ZNF599: variants seen among roughly 807,000 people sequenced by gnomAD.
The protein encoded by ZNF599 is zinc finger protein 599.
ZNF599 carries 10 observed loss-of-function variants against 11.7 expected under a neutral mutation model. That is an observed-to-expected ratio of 0.86 (90% CI 0.53 to 1.45). The LOEUF is 1.45. Ranked by LOEUF, ZNF599 falls within the 40% of genes most tolerant of loss-of-function variation. The pLI is 0.00. For synonymous variants in ZNF599, 232 were observed against 253.2 expected (o/e 0.92, Z 0.79); for missense variants, 688 against 713.6 (o/e 0.96, Z 0.41).
At chr19:34,778,246 G>A in the ZNF599 span, among the ~76,000 whole-genome samples, 1 of 151,708 alleles carries the variant, frequency 6.6e-6, no homozygotes, top group Admixed American at 6.6e-5. Context: ...TCAAATCATG[G>A]GTCTTAGTTT....
the ZNF599 span, chr19:34,779,455 T>C: frequency 6.6e-6 from 3 of 456,404 alleles, no homozygotes; most frequent in Non-Finnish European, 1.3e-5. Context: ...GAGTGAACTC[T>C]CTGATGTTTA....
intron 3 of ZNF599, among the ~76,000 whole-genome samples, chr19:34,766,624 C>T (rs1180409396): frequency 6.6e-6 from 1 of 152,192 alleles, no homozygotes; most frequent in East Asian, 1.9e-4. Flanking sequence ...TCCCAAACAA[C>T]CCAGTCATGC....
rs1400834945 is a variant in ZNF599, at chr19:34,766,183, G to A, written c.241+1133C>T. Among the ~76,000 whole-genome samples, 9 of 152,150 alleles carry A rather than the reference G, an allele frequency of 5.9e-5. No individual in the cohort carries two copies. The East Asian group carries it at 1.5e-3, about 26-fold the overall frequency. On this transcript the variant is annotated intron_variant, in intron 3 of 3. Coordinates refer to ENST00000329285, the MANE Select transcript of ZNF599 (RefSeq NM_001007248.3). ...TGAAGGCTGACTGAGCAGGCAAGAA[G>A]GACACTAGAGGGGTGAGATGGTGAA... is the stretch of plus-strand genomic sequence containing the variant.
rs776878811 is a variant in ZNF599, at chr19:34,760,295, T to C, written c.506A>G (p.Gln169Arg). 30 of 1,614,116 alleles carry C rather than the reference T, an allele frequency of 1.9e-5. 1 individual carries two copies. The highest frequency in any genetic ancestry group is 1.8e-4 in the South Asian group (16 of 91,086). Residue 169 changes from glutamine (Q) to arginine (R), a missense_variant, in exon 4 of 4, where the codon CAG becomes CGG. Gln to Arg is a conservative substitution (Grantham distance 43). Transcript: ENST00000329285. ...AGCATCTTGTGGAGTGACTCGTTCC[T>C]GTAAAACCCTTAAGCCCAGACTATC... ...PDDSLGLRVL[Q>R]ERVTPQDALH...
intron 1 of ZNF599, 152 bp downstream of exon 1, chr19:34,772,672 C>T (rs1398932421): frequency 2.0e-6 from 3 of 1,466,542 alleles, no homozygotes; most frequent in Non-Finnish European, 2.7e-6. Context: ...AGTGATTAGC[C>T]CTGCCCTCTC....
intron 3 of ZNF599, chr19:34,763,198 G>C (rs1292714617): frequency 6.6e-6 from 1 of 152,190 alleles, no homozygotes; most frequent in Non-Finnish European, 1.5e-5. Context: ...CGAAAGGTTT[G>C]TAGGTGTTCA....
Position 34,760,440 on chromosome 19 carries a change from C to T in ZNF599, c.361G>A (p.Ala121Thr). 1 of 1,614,168 alleles carries T rather than the reference C, an allele frequency of 6.2e-7. No homozygotes were observed. Among genetic ancestry groups the T allele is most frequent in the Non-Finnish European group, 8.5e-7 (1 of 1,180,018 alleles). Reference sequence around the variant, plus strand: ...TTTATTAGCTTTTCCTCATCTCTAGCTTGCCCCAACCTGGAATCTCTTGAG... The same window carrying T: ...TTTATTAGCTTTTCCTCATCTCTAGTTTGCCCCAACCTGGAATCTCTTGAG... Reference protein sequence around the residue: ...RSSRDSRLGQARDEEKLIKIQ... With the variant: ...RSSRDSRLGQTRDEEKLIKIQ... The change falls in exon 4 of 4, where the codon GCT (alanine) becomes ACT (threonine). Residue 121 changes from alanine to threonine, a missense_variant. Transcript: ENST00000329285.
the ZNF599 span, among the ~76,000 whole-genome samples, chr19:34,795,971 G>A: frequency 2.0e-5 from 3 of 152,092 alleles, no homozygotes; most frequent in Admixed American, 6.5e-5. Flanking sequence ...ACAAGCATGT[G>A]CCACCACGCC....
At chr19:34,802,546 G>A in the ZNF599 span, among the ~76,000 whole-genome samples, 2 of 152,314 alleles carry the variant, frequency 1.3e-5, no homozygotes, top group Admixed American at 1.3e-4. Flanking sequence ...CTGTGAGAGG[G>A]AGTAGTGGAC....
the ZNF599 span, among the ~76,000 whole-genome samples, chr19:34,800,665 G>A: frequency 2.2e-5 from 3 of 133,392 alleles, no homozygotes; most frequent in Non-Finnish European, 3.1e-5. Context: ...GCATGATCTC[G>A]GCTCACTGCA....
chr19:34,805,222 G>A, the ZNF599 span, among the ~76,000 whole-genome samples: 6 of 127,788 alleles, frequency 4.7e-5, no homozygotes, highest in Middle Eastern at 5.6e-3. Flanking sequence ...TTTTTGAGAC[G>A]GAGTCTCACT....
the ZNF599 span, among the ~76,000 whole-genome samples, chr19:34,784,564 C>T: frequency 0.24 from 36,644 of 152,000 alleles, 4,738 homozygotes; most frequent in Middle Eastern, 0.35. Context: ...CAGTCATTAA[C>T]CACACACAGA....
At chr19:34,779,448 T>C in the ZNF599 span, 1 of 456,078 alleles carries the variant, frequency 2.2e-6, no homozygotes, top group Non-Finnish European at 4.4e-6. Flanking sequence ...TTCATCAGAG[T>C]GAACTCTCTG....
At chr19:34,802,940 A>G in the ZNF599 span, among the ~76,000 whole-genome samples, 39 of 152,360 alleles carry the variant, frequency 2.6e-4, no homozygotes, top group East Asian at 6.9e-3. Context: ...AACAGACTAC[A>G]GGTAAGAAAA....
At chr19:34,782,892 C>G in the ZNF599 span, among the ~76,000 whole-genome samples, 1 of 152,154 alleles carries the variant, frequency 6.6e-6, no homozygotes, top group Non-Finnish European at 1.5e-5. Context: ...AGGCTATTGA[C>G]TCCATGACTG....
the ZNF599 span, among the ~76,000 whole-genome samples, chr19:34,784,421 G>C: frequency 6.6e-6 from 1 of 152,170 alleles, no homozygotes; most frequent in Non-Finnish European, 1.5e-5. Flanking sequence ...TTAAGGTACT[G>C]AGTATTAAGA....
chr19:34,787,866 C>G, the ZNF599 span, among the ~76,000 whole-genome samples: 4 of 152,194 alleles, frequency 2.6e-5, no homozygotes, highest in African/African-American at 9.7e-5. Flanking sequence ...CTAGCACAAC[C>G]CATCAATTTG....
upstream of ZNF599, among the ~76,000 whole-genome samples, chr19:34,776,759 A>G (rs1402411106): frequency 6.6e-6 from 1 of 152,212 alleles, no homozygotes; most frequent in African/African-American, 2.4e-5. Context: ...GCAGTGTTAC[A>G]GCTCTGTGAC....
At chr19:34,782,237 T>G in the ZNF599 span, among the ~76,000 whole-genome samples, 1 of 152,122 alleles carries the variant, frequency 6.6e-6, no homozygotes, top group African/African-American at 2.4e-5. Context: ...CCTTGGCAGG[T>G]GAGTGGCCAG....
Sources: allele counts gnomAD v4.1 joint callset (sites outside exome capture counted in the v4.1 genomes callset), GRCh38; gene constraint gnomAD v4.1.1; transcripts MANE v1.5; gene names NCBI Gene and HGNC (gene_info 2026-07-23, HGNC 2026-07-21).